Variants in EPHB2 observed in about 807,000 individuals in gnomAD.
The protein encoded by EPHB2 is EPH receptor B2, also known as ephrin type-B receptor 2.
Under a neutral mutation model 96.4 loss-of-function variants are expected in EPHB2, and 18 were observed. The ratio of observed to expected loss-of-function variants is 0.19; its 90% CI spans 0.13 to 0.28. The LOEUF is 0.28. Ranked by LOEUF, EPHB2 falls within the 10% of genes least tolerant of loss-of-function variation. EPHB2 has a pLI of 1.00. For synonymous variants in EPHB2, 506 were observed against 534.1 expected (o/e 0.95, Z 0.72); for missense variants, 989 against 1,355.4 (o/e 0.73, Z 4.25).
intron 3 of EPHB2, among the ~76,000 whole-genome samples, chr1:22,805,386 A>T (rs1644909938): frequency 6.6e-6 from 1 of 152,126 alleles, no homozygotes; most frequent in South Asian, 2.1e-4. Flanking sequence ...GTGGGCTGAG[A>T]TAAATGTCTC....
In EPHB2 at chr1:22,904,292, CA is replaced by C. The variant is rs3053666; in HGVS notation, c.1766-1680del. ...TGGGTGACAGAGCAAGAACCTGTCT[CA>C]AAAAAAAAAAAAAATTAATTAAAAA... is the stretch of plus-strand genomic sequence containing the variant. On this transcript the variant is annotated intron_variant, in intron 9 of 15. Transcript: ENST00000374630. Among the ~76,000 whole-genome samples, 1,224 of 129,952 alleles carry C rather than the reference CA, an allele frequency of 9.4e-3. 14 individuals carry two copies. The highest frequency in any genetic ancestry group is 0.029 in the African/African-American group (980 of 34,162). The allele number at this position is 129,952 out of a possible 152,430, so 85.3% of individuals were successfully genotyped here. A position where few individuals can be genotyped will look rare whatever the true frequency, so the allele number is the denominator to read the frequency against.
intron 3 of EPHB2, among the ~76,000 whole-genome samples, chr1:22,832,421 C>T (rs1222687130): frequency 2.6e-5 from 4 of 152,208 alleles, no homozygotes; most frequent in Admixed American, 6.5e-5. Context: ...AAGCCACATT[C>T]ATCCTTTTTC....
chr1:22,873,562 G>T (rs887172752), intron 5 of EPHB2, among the ~76,000 whole-genome samples: 5 of 152,184 alleles, frequency 3.3e-5, no homozygotes, highest in African/African-American at 1.2e-4. Context: ...TGTAGATACA[G>T]GGGGGTGATT....
intron 3 of EPHB2, among the ~76,000 whole-genome samples, chr1:22,799,142 G>A (rs557675963): frequency 6.6e-5 from 10 of 152,264 alleles, no homozygotes; most frequent in African/African-American, 2.4e-4. Context: ...CCCCAGCAGA[G>A]CACTTCCCCT....
chr1:22,896,473 G>C lies in EPHB2; in HGVS notation c.1760G>C (p.Gly587Ala). Residue 587 changes from glycine to alanine, a missense_variant, in exon 9 of 16, where the codon GGC becomes GCC. Gly to Ala is a moderately conservative substitution (Grantham distance 60). Transcript: ENST00000374630. ...GACAAGCTGCAACACTACACCAGTG[G>C]CCACAGTATGTACACACCCAAGCGG... Reference protein sequence around the residue: ...YTDKLQHYTSGHMTPGMKIYI... With the variant: ...YTDKLQHYTSAHMTPGMKIYI... 6.2e-7 allele frequency: 1 copy of C among 1,614,114 alleles called. No homozygotes were observed. Among genetic ancestry groups the C allele is most frequent in the Non-Finnish European group, 8.5e-7 (1 of 1,180,020 alleles).
rs541796886 is a variant in EPHB2, at chr1:22,791,609, C to T, written c.811+6533C>T. Among the ~76,000 whole-genome samples the T allele has an allele frequency of 7.9e-5, 12 of 151,862 alleles. No homozygotes were observed. In the South Asian group the frequency reaches 2.1e-3, roughly 26 times the overall value. On this transcript the variant is annotated intron_variant, in intron 3 of 15. Coordinates refer to ENST00000374630, the MANE Select transcript of EPHB2 (RefSeq NM_017449.5). The stretch of plus-strand genomic sequence containing the variant: ...GGAATTATAGGCATGAACCACCATG[C>T]CCAGGAGGAGAATTTTTGATAATAA...
intron 3 of EPHB2, among the ~76,000 whole-genome samples, chr1:22,845,998 G>A (rs570171784): frequency 6.6e-6 from 1 of 152,300 alleles, no homozygotes; most frequent in South Asian, 2.1e-4. Flanking sequence ...GTATTTTAAA[G>A]TAACTTGTTA....
At chr1:22,732,336 T>A (rs1324452151) in intron 1 of EPHB2, among the ~76,000 whole-genome samples, 2 of 80,950 alleles carry the variant, frequency 2.5e-5, no homozygotes, top group Admixed American at 1.2e-4. Context: ...CCAGAGAAGG[T>A]GGGGGTGGAA....
In EPHB2 at chr1:22,784,708, C is replaced by G. The variant is rs750977201; in HGVS notation, c.443C>G (p.Ser148Cys). 6.2e-7 allele frequency: 1 copy of G among 1,613,772 alleles called. No individual in the cohort carries two copies. The highest frequency in any genetic ancestry group is 1.1e-5 in the South Asian group (1 of 91,058). Residue 148 changes from serine (S) to cysteine (C), a missense_variant, in exon 3 of 16, where the codon TCC becomes TGC. By Grantham distance (112) the Ser-to-Cys change is moderately radical. Coordinates refer to ENST00000374630, the MANE Select transcript of EPHB2 (RefSeq NM_017449.5). The surrounding 1 kb of genome is among the most constrained non-coding windows in gnomAD (Gnocchi z 5.1). ...VDTIAADESF[S>C]QVDLGGRVMK... ...ACCATTGCAGCCGACGAGAGCTTCT[C>G]CCAGGTGGACCTGGGTGGCCGCGTC...
chr1:22,830,568 T>TTTTG (rs1338603448), intron 3 of EPHB2, among the ~76,000 whole-genome samples: 6 of 152,330 alleles, frequency 3.9e-5, no homozygotes, highest in South Asian at 2.1e-4. Flanking sequence ...TATTCATTTC[T>TTTTG]TTTGTTTGTT....
At chr1:22,832,197 T>A (rs10737467) in intron 3 of EPHB2, among the ~76,000 whole-genome samples, 1 of 152,248 alleles carries the variant, frequency 6.6e-6, no homozygotes, top group African/African-American at 2.4e-5. Context: ...GAACAATGGG[T>A]CCTGAGTCAC....
At chr1:22,808,818 G>A (rs181454894) in intron 3 of EPHB2, among the ~76,000 whole-genome samples, 13 of 152,276 alleles carry the variant, frequency 8.5e-5, no homozygotes, top group Middle Eastern at 3.4e-3. Context: ...ACATCAGTAC[G>A]GGATGTGCAG....
chr1:22,832,136 C>T (rs1180175048), intron 3 of EPHB2, among the ~76,000 whole-genome samples: 4 of 152,094 alleles, frequency 2.6e-5, no homozygotes, highest in Non-Finnish European at 5.9e-5. Context: ...ACAAGAGACT[C>T]CAGGCTGGGG....
intron 3 of EPHB2, among the ~76,000 whole-genome samples, chr1:22,788,018 A>G (rs1467018726): frequency 2.0e-5 from 3 of 152,156 alleles, no homozygotes; most frequent in Non-Finnish European, 4.4e-5. Context: ...ACCAGCAAAC[A>G]CCCAAGACAG....
rs1018741276 is a variant in EPHB2, at chr1:22,749,177, C to T, written c.62-32244C>T. On this transcript the variant is annotated intron_variant, in intron 1 of 15. Coordinates refer to ENST00000374630, the MANE Select transcript of EPHB2 (RefSeq NM_017449.5). ...CTGGGACTACAGGCAGGTGCCACCACGCCTAGCTCATTTTTGTATTTTTAA... is the reference window on the plus strand; with the variant it reads ...CTGGGACTACAGGCAGGTGCCACCATGCCTAGCTCATTTTTGTATTTTTAA... Among the ~76,000 whole-genome samples, 4 of 151,920 alleles carry T rather than the reference C, an allele frequency of 2.6e-5. No individual in the cohort carries two copies. In the South Asian group the frequency reaches 8.3e-4, roughly 32 times the overall value.
At chr1:22,796,968 T>C (rs186533321) in intron 3 of EPHB2, among the ~76,000 whole-genome samples, 8 of 152,356 alleles carry the variant, frequency 5.3e-5, no homozygotes, top group Admixed American at 4.6e-4. Flanking sequence ...GTACTTGTCC[T>C]GCTGGAATAT....
chr1:22,860,010 A>G lies in EPHB2; in HGVS notation c.812-3027A>G, dbSNP rs150415014. Among the ~76,000 whole-genome samples, 691 of 152,280 alleles carry G rather than the reference A, an allele frequency of 4.5e-3. 7 individuals carry two copies. The highest frequency in any genetic ancestry group is 0.015 in the African/African-American group (640 of 41,546). ...TGTGCCTGTGCTGGGCCTGTTTCAT[A>G]TAAATGGAATCCTGCTTTCATGGCT... On this transcript the variant is annotated intron_variant, in intron 3 of 15. Transcript: ENST00000374630. The surrounding 1 kb of genome is among the most constrained non-coding windows in gnomAD (Gnocchi z 4.6).
chr1:22,874,514 C>G (rs1284750818), intron 5 of EPHB2, among the ~76,000 whole-genome samples: 1 of 152,208 alleles, frequency 6.6e-6, no homozygotes, highest in African/African-American at 2.4e-5. Context: ...GCCAGGTAAC[C>G]AGGGGTAGAA....
chr1:22,915,773 G>A lies in EPHB2; in HGVS notation c.*2203G>A, dbSNP rs1640249611. 6.6e-6 allele frequency: 1 copy of A among 152,374 alleles called. No homozygotes were observed. Among genetic ancestry groups the A allele is most frequent in the African/African-American group, 2.4e-5 (1 of 41,464 alleles). 9.4% of individuals were successfully genotyped at this position (152,374 alleles called of 1,614,324 possible). ...ACATTAAAATCAGAATTGTCCACGT[G>A]GCAGGAGGAGGCAGGGAGATGGATG... On this transcript the variant is annotated 3_prime_UTR_variant, in exon 16 of 16. Coordinates refer to ENST00000374630, the MANE Select transcript of EPHB2 (RefSeq NM_017449.5).
Sources: allele counts gnomAD v4.1 joint callset (sites outside exome capture counted in the v4.1 genomes callset), GRCh38; gene constraint gnomAD v4.1.1; non-coding constraint Gnocchi (gnomAD v3.1); transcripts MANE v1.5; gene names NCBI Gene and HGNC (gene_info 2026-07-23, HGNC 2026-07-21).